Variants in B4GALNT3 observed in about 807,000 individuals in gnomAD.
The protein encoded by B4GALNT3 is beta-1,4-N-acetyl-galactosaminyltransferase 3.
B4GALNT3 carries 86 observed loss-of-function variants against 120.2 expected under a neutral mutation model. That is an observed-to-expected ratio of 0.72 (90% CI 0.60 to 0.86). The LOEUF (loss-of-function observed/expected upper bound fraction) is 0.86. Among genes scored for constraint, B4GALNT3 ranks in the 40% least tolerant of loss-of-function variants. The pLI is 0.00. For synonymous variants in B4GALNT3, 518 were observed against 510.4 expected (o/e 1.01, Z -0.20); for missense variants, 1,167 against 1,298.9 (o/e 0.90, Z 1.56).
intron 1 of B4GALNT3, among the ~76,000 whole-genome samples, chr12:502,365 G>A (rs11063302): frequency 0.039 from 5,907 of 152,116 alleles, 236 homozygotes; most frequent in African/African-American, 0.1. Flanking sequence ...TGGCAGCTGC[G>A]CTCATTGCCT....
chr12:499,034 A>G (rs147655648), intron 1 of B4GALNT3, among the ~76,000 whole-genome samples: 342 of 152,290 alleles, frequency 2.2e-3, no homozygotes, highest in Admixed American at 6.1e-3. Flanking sequence ...AGGACACAAA[A>G]TCTGGTGGGG....
intron 11 of B4GALNT3, 25 bp downstream of exon 11, chr12:551,056 A>T (rs781417739): frequency 6.4e-7 from 1 of 1,559,584 alleles, no homozygotes; most frequent in South Asian, 1.1e-5. Context: ...TGGGTCATGG[A>T]GAGCAGGGCT....
intron 1 of B4GALNT3, among the ~76,000 whole-genome samples, chr12:480,906 C>T (rs1484324876): frequency 2.0e-5 from 3 of 152,352 alleles, no homozygotes; most frequent in South Asian, 2.1e-4. Flanking sequence ...CCTTGCAGGC[C>T]AAGGACTGGA....
intron 12 of B4GALNT3, 130 bp from the exon 13 acceptor site, chr12:552,335 ACC>A (rs1491175843): frequency 5.0e-6 from 4 of 806,828 alleles, no homozygotes; most frequent in Non-Finnish European, 8.1e-6. Flanking sequence ...ACACACACAC[ACC>A]CGCTCACCAG....
At chr12:551,081 T>C (rs1226257433) in intron 11 of B4GALNT3, 50 bp downstream of exon 11, 3 of 1,457,646 alleles carry the variant, frequency 2.1e-6, no homozygotes, top group Middle Eastern at 1.7e-4. Flanking sequence ...GAGGGATTGC[T>C]GCCTGTGACT....
intron 16 of B4GALNT3, 108 bp downstream of exon 16, chr12:557,869 C>G: frequency 6.8e-7 from 1 of 1,480,404 alleles, no homozygotes; most frequent in Non-Finnish European, 9.2e-7. Context: ...CTTCCTGATT[C>G]CTAGTCTCCA....
chr12:555,816 G>C (rs180822660), intron 14 of B4GALNT3, among the ~76,000 whole-genome samples: 1 of 150,692 alleles, frequency 6.6e-6, no homozygotes, highest in Non-Finnish European at 1.5e-5. Context: ...ACGGAGTCTC[G>C]CTCTGTCGCC....
At chr12:476,055 A>G (rs993014579) in intron 1 of B4GALNT3, among the ~76,000 whole-genome samples, 3 of 152,142 alleles carry the variant, frequency 2.0e-5, no homozygotes, top group South Asian at 4.1e-4. Flanking sequence ...TTCCTTTACC[A>G]TGGCATAGTG....
At chr12:535,405 T>G (rs1946848237) in intron 2 of B4GALNT3, 136 bp downstream of exon 2, 2 of 669,996 alleles carry the variant, frequency 3.0e-6, no homozygotes, top group Admixed American at 2.7e-5. Flanking sequence ...AGAGTCCTAG[T>G]CTGGCCTCAG....
chr12:501,342 G>A (rs1482964041), intron 1 of B4GALNT3, among the ~76,000 whole-genome samples: 1 of 152,132 alleles, frequency 6.6e-6, no homozygotes, highest in Non-Finnish European at 1.5e-5. Context: ...ACTGAGATAA[G>A]GCTACTGTTA....
chr12:502,532 G>T (rs956643433), intron 1 of B4GALNT3, among the ~76,000 whole-genome samples: 1 of 143,064 alleles, frequency 7.0e-6, no homozygotes, highest in Admixed American at 7.1e-5. Context: ...GATACAAAGG[G>T]ATTGGAAAGA....
intron 1 of B4GALNT3, among the ~76,000 whole-genome samples, chr12:512,620 G>C (rs370363544): frequency 6.7e-5 from 4 of 59,694 alleles, no homozygotes; most frequent in African/African-American, 8.5e-5. Flanking sequence ...TCCACCTTCC[G>C]CCTTCCACCT....
intron 1 of B4GALNT3, among the ~76,000 whole-genome samples, chr12:512,410 A>C (rs1360135184): frequency 1.2e-5 from 1 of 82,086 alleles, no homozygotes; most frequent in African/African-American, 5.8e-5. Context: ...TTGACCTTCC[A>C]CCTTCCGCCT....
rs1592060312 is a variant in B4GALNT3 at position 558,573 on chromosome 12, C to T, written c.2673C>T (p.Ala891=). 6.2e-7 allele frequency: 1 copy of T among 1,614,176 alleles called. No homozygotes were observed. Among genetic ancestry groups the T allele is most frequent in the East Asian group, 2.2e-5 (1 of 44,882 alleles). ...HIHFPAGVID[A]IRKHCVEGKM... ...ACTTCCCAGCTGGAGTCATCGATGC[C>T]ATTCGGAAGCACTGTGTGGAGGGAA... The change falls in exon 18 of 20, where the codon GCC becomes GCT. Residue 891 remains alanine (A), a synonymous_variant. Transcript: ENST00000266383.
chr12:476,272 A>G (rs183389359), intron 1 of B4GALNT3, among the ~76,000 whole-genome samples: 2 of 152,320 alleles, frequency 1.3e-5, no homozygotes, highest in Admixed American at 1.3e-4. Flanking sequence ...ACAGTTTCTA[A>G]TACATAGTGT....
chr12:493,762 CAT>C (rs1946365354), intron 1 of B4GALNT3, among the ~76,000 whole-genome samples: 1 of 152,040 alleles, frequency 6.6e-6, no homozygotes, highest in African/African-American at 2.4e-5. Flanking sequence ...TTCATTAAAA[CAT>C]GAATTGTGCA....
chr12:468,346 C>T (rs901655916), intron 1 of B4GALNT3, among the ~76,000 whole-genome samples: 1 of 152,088 alleles, frequency 6.6e-6, no homozygotes, highest in Non-Finnish European at 1.5e-5. Flanking sequence ...AAAGTATTGC[C>T]CTGACCTTTT....
chr12:561,572 C>A lies in B4GALNT3; in HGVS notation c.*121C>A. The A allele has an allele frequency of 1.3e-6, 1 of 745,084 alleles. No individual in the cohort carries two copies. Among genetic ancestry groups the A allele is most frequent in the Non-Finnish European group, 2.2e-6 (1 of 459,498 alleles). 46.2% of individuals were successfully genotyped at this position (745,084 alleles called of 1,614,324 possible). A position where few individuals can be genotyped will look rare whatever the true frequency, so the allele number is the denominator to read the frequency against. On this transcript the variant is annotated 3_prime_UTR_variant, in exon 20 of 20. Transcript: ENST00000266383. ...GGCTGGACCCCAAGAGGCCTCGAAG[C>A]TGACGGCCCACTCCACCTGGAGCTG...
At chr12:547,823 G>T (rs1299553163) in intron 7 of B4GALNT3, among the ~76,000 whole-genome samples, 1 of 152,162 alleles carries the variant, frequency 6.6e-6, no homozygotes, top group Non-Finnish European at 1.5e-5. Flanking sequence ...CTCTGATTAT[G>T]CCCATCTCAC....
Sources: allele counts gnomAD v4.1 joint callset (sites outside exome capture counted in the v4.1 genomes callset), GRCh38; gene constraint gnomAD v4.1.1; transcripts MANE v1.5; gene names NCBI Gene and HGNC (gene_info 2026-07-23, HGNC 2026-07-21).